Variants in MAGEC3 observed in about 807,000 individuals in gnomAD.
MAGEC3 encodes the protein MAGE family member C3, also known as melanoma-associated antigen C3.
MAGEC3 carries 34 observed loss-of-function variants against 35.3 expected under a neutral mutation model. That is an observed-to-expected ratio of 0.96 (90% CI 0.73 to 1.28). MAGEC3 has a LOEUF of 1.28. Among genes scored for constraint, MAGEC3 ranks in the 50% most tolerant of loss-of-function variants. The pLI, the probability that MAGEC3 is intolerant of heterozygous loss-of-function variation, is 0.00. For missense variants in MAGEC3, 561 were observed against 483.6 expected, an observed-to-expected ratio of 1.16 and a Z score of -1.50; for synonymous variants, 202 against 185.6, an observed-to-expected ratio of 1.09 and a Z score of -0.72.
At chrX:141,878,919 T>C (rs1274531268) in intron 2 of MAGEC3, among the ~76,000 whole-genome samples, 4 of 111,146 alleles carry the variant, frequency 3.6e-5, no homozygotes, top group South Asian at 7.7e-4. Context: ...GCCCACCCCA[T>C]TTTAGAAAAA....
In MAGEC3 at chrX:141,874,323, G is replaced by A. The variant is rs192506850; in HGVS notation, c.259-4852G>A. Among the ~76,000 whole-genome samples the A allele has an allele frequency of 6.4e-3, 717 of 111,472 alleles. 3 individuals carry two copies. Among genetic ancestry groups the A allele is most frequent in the Non-Finnish European group, 0.011 (602 of 53,049 alleles). ...AACTATGGTTCGAGAAAACTTCTTA[G>A]ATACAACCCAAAAAGGAACATCTGT... is the stretch of plus-strand genomic sequence containing the variant. On this transcript the variant is annotated intron_variant, in intron 2 of 7. Coordinates refer to ENST00000298296, the MANE Select transcript of MAGEC3 (RefSeq NM_138702.1).
intron 2 of MAGEC3, among the ~76,000 whole-genome samples, chrX:141,868,084 G>C (rs751142073): frequency 8.2e-4 from 91 of 110,372 alleles, no homozygotes; most frequent in African/African-American, 2.4e-3. Flanking sequence ...GATGGCGCCA[G>C]TGCACTCCAG....
chrX:141,844,258 T>G (rs115454657), intron 1 of MAGEC3, among the ~76,000 whole-genome samples: 9,675 of 110,792 alleles, frequency 0.087, 391 homozygotes, highest in South Asian at 0.25. Flanking sequence ...AACTTTCTAT[T>G]GTCTGAATAT....
rs185514437 is a variant in MAGEC3 at position 141,879,880 on chromosome X, G to A, written c.515+449G>A. Among the ~76,000 whole-genome samples, 235 of 111,148 alleles carry A rather than the reference G, an allele frequency of 2.1e-3. 1 individual carries two copies. Among genetic ancestry groups the A allele is most frequent in the Non-Finnish European group, 3.1e-3 (163 of 52,958 alleles). On this transcript the variant is annotated intron_variant, in intron 3 of 7. Transcript: ENST00000298296. Reference sequence around the variant, plus strand: ...AGGGTAACCGAGGGCTGAGGGACACGTCTTCATGACAGAAGAAGGGAGGAG... The same window carrying A: ...AGGGTAACCGAGGGCTGAGGGACACATCTTCATGACAGAAGAAGGGAGGAG...
chrX:141,856,714 C>T (rs2017783136), intron 1 of MAGEC3, among the ~76,000 whole-genome samples: 1 of 111,734 alleles, frequency 8.9e-6, no homozygotes, highest in Admixed American at 9.5e-5. Context: ...TAATGTTATA[C>T]TATTCAGCCA....
At chrX:141,844,462 T>C (rs866202592) in intron 1 of MAGEC3, among the ~76,000 whole-genome samples, 1 of 111,092 alleles carries the variant, frequency 9.0e-6, no homozygotes, top group East Asian at 2.8e-4. Flanking sequence ...TTCACTGTTA[T>C]GTGTTTAGGT....
rs1180599531 is a variant in MAGEC3 at position 141,881,359 on chromosome X, GA to G, written c.516-43del. The G allele has an allele frequency of 6.9e-6, 8 of 1,153,540 alleles. No homozygotes were observed. In the East Asian group the frequency reaches 2.1e-4, roughly 30 times the overall value. On this transcript the variant is annotated intron_variant, in intron 3 of 7. Coordinates refer to ENST00000298296, the MANE Select transcript of MAGEC3 (RefSeq NM_138702.1). ...CACTTTATGAAGCCCATTCAATGAAGAGCCTAGCAGCCAATAAGATGAAGAT... is the reference window on the plus strand; with the variant it reads ...CACTTTATGAAGCCCATTCAATGAAGGCCTAGCAGCCAATAAGATGAAGAT...
chrX:141,891,969 G>A (rs2018046324), intron 4 of MAGEC3, among the ~76,000 whole-genome samples: 1 of 109,951 alleles, frequency 9.1e-6, no homozygotes, highest in Admixed American at 9.9e-5. Context: ...TTAAAAAGGG[G>A]AAATTTGGAC....
chrX:141,866,639 G>T (rs761353876), intron 2 of MAGEC3, among the ~76,000 whole-genome samples: 8 of 112,234 alleles, frequency 7.1e-5, no homozygotes, highest in Non-Finnish European at 1.3e-4. Flanking sequence ...ACATGTAAAT[G>T]AATATTAATT....
intron 4 of MAGEC3, among the ~76,000 whole-genome samples, chrX:141,885,241 A>G (rs2017993667): frequency 9.0e-6 from 1 of 111,710 alleles, no homozygotes; most frequent in Non-Finnish European, 1.9e-5. Flanking sequence ...AATCTGGAGA[A>G]CAGGCATGGG....
intron 3 of MAGEC3, among the ~76,000 whole-genome samples, chrX:141,880,208 T>A (rs1188625267): frequency 9.0e-6 from 1 of 111,475 alleles, no homozygotes; most frequent in Non-Finnish European, 1.9e-5. Flanking sequence ...CACATGTGCA[T>A]CAGAACAGAT....
At chrX:141,868,409 A>G (rs6634331) in intron 2 of MAGEC3, among the ~76,000 whole-genome samples, 12,139 of 111,440 alleles carry the variant, frequency 0.11, 702 homozygotes, top group East Asian at 0.32. Context: ...AGGCCAGACT[A>G]GAATTTAACA....
At chrX:141,884,736 G>C (rs752212837) in intron 4 of MAGEC3, among the ~76,000 whole-genome samples, 14 of 111,905 alleles carry the variant, frequency 1.3e-4, no homozygotes, top group South Asian at 3.8e-4. Flanking sequence ...TGACACTCCT[G>C]ATTAACTGCT....
intron 2 of MAGEC3, among the ~76,000 whole-genome samples, chrX:141,875,696 T>G (rs2017915801): frequency 8.9e-6 from 1 of 112,030 alleles, no homozygotes; most frequent in African/African-American, 3.2e-5. Flanking sequence ...GGTTTCCATT[T>G]TCTTTTTATC....
chrX:141,848,296 A>T (rs1330757728), intron 1 of MAGEC3, among the ~76,000 whole-genome samples: 1 of 110,186 alleles, frequency 9.1e-6, no homozygotes, highest in African/African-American at 3.3e-5. Flanking sequence ...AAGGAGAAAA[A>T]AAAATGAAAG....
rs2018079911 is a variant in MAGEC3, at chrX:141,895,319, G to A, written c.960G>A (p.Leu320=). 8.3e-7 allele frequency: 1 copy of A among 1,208,474 alleles called. No individual in the cohort carries two copies. The highest frequency in any genetic ancestry group is 1.8e-5 in the African/African-American group (1 of 56,643). The change falls in exon 5 of 8, where the codon CTG becomes CTA. Residue 320 remains leucine (L), a synonymous_variant. Transcript: ENST00000298296. ...GFADVLSRLA[L]WESEGPEAFC... The stretch of plus-strand genomic sequence containing the variant: ...CGGATGTGCTTTCCCGACTTGCACT[G>A]TGGGAGTCTGAAGGACCTGAAGCAT...
rs750498697 is a variant in MAGEC3 at position 141,846,747 on chromosome X, T to G, written c.123+8309T>G. Among the ~76,000 whole-genome samples the G allele has an allele frequency of 5.4e-5, 6 of 111,115 alleles. No homozygotes were observed. The South Asian group carries it at 1.9e-3, about 34-fold the overall frequency. On this transcript the variant is annotated intron_variant, in intron 1 of 7. Coordinates refer to ENST00000298296, the MANE Select transcript of MAGEC3 (RefSeq NM_138702.1). ...AAGAATGTAACTATGTGCATCCAAGTTTTTGCACTGACTTTATATATAATT... is the reference window on the plus strand; with the variant it reads ...AAGAATGTAACTATGTGCATCCAAGGTTTTGCACTGACTTTATATATAATT...
Position 141,895,292 on chromosome X carries a change from C to T in MAGEC3, c.933C>T (p.Phe311=), listed in dbSNP as rs146271957. The part of the protein sequence containing the change: ...AIGPWSALAG[F]ADVLSRLALW... Reference sequence around the variant, plus strand: ...AGCCCTGGTCAGCCTTGGCAGGGTTCGCGGATGTGCTTTCCCGACTTGCAC... The same window carrying T: ...AGCCCTGGTCAGCCTTGGCAGGGTTTGCGGATGTGCTTTCCCGACTTGCAC... The change falls in exon 5 of 8, where the codon TTC becomes TTT. Residue 311 remains phenylalanine, a synonymous_variant. Coordinates refer to ENST00000298296, the MANE Select transcript of MAGEC3 (RefSeq NM_138702.1). The T allele has an allele frequency of 1.1e-5, 13 of 1,207,930 alleles. No individual in the cohort carries two copies. In the African/African-American group the frequency reaches 1.9e-4, roughly 18 times the overall value.
intron 4 of MAGEC3, chrX:141,894,735 G>A (rs1280482157): frequency 4.1e-6 from 4 of 970,307 alleles, no homozygotes; most frequent in Non-Finnish European, 5.3e-6. Flanking sequence ...CTCCCAACAC[G>A]GAGGGAAGGC....
Sources: gnomAD v4.1 joint callset for allele counts (sites outside exome capture counted in the v4.1 genomes callset) on GRCh38, gnomAD v4.1.1 for gene constraint, MANE v1.5 for transcripts, NCBI Gene and HGNC (gene_info 2026-07-23, HGNC 2026-07-21) for gene names.